The following MFSD6 variants were observed in gnomAD, a reference collection of about 807,000 sequenced individuals.
MFSD6 encodes major facilitator superfamily domain-containing protein 6.
Under a neutral mutation model 56.3 loss-of-function variants are expected in MFSD6, and 26 were observed. That is an observed-to-expected ratio of 0.46 (90% CI 0.34 to 0.64). The LOEUF is 0.64. MFSD6 is among the 30% of genes least tolerant of loss of function. MFSD6 has a pLI of 0.01. For missense variants in MFSD6, 750 were observed against 986.2 expected (o/e 0.76, Z 3.21); for synonymous variants, 331 against 366.9 (o/e 0.90, Z 1.12).
chr2:190,487,872 CAA>C lies in MFSD6; in HGVS notation c.1631-784_1631-783del, dbSNP rs1689102211. Among the ~76,000 whole-genome samples, 1 of 152,092 alleles carries C rather than the reference CAA, an allele frequency of 6.6e-6. No homozygotes were observed. The highest frequency in any genetic ancestry group is 1.5e-5 in the Non-Finnish European group (1 of 67,994). On this transcript the variant is annotated intron_variant, in intron 4 of 7. Transcript: ENST00000392328. The surrounding 1 kb of genome is among the most constrained non-coding windows in gnomAD (Gnocchi z 5.5). ...AACATATAGTGACCATATCATCCAA[CAA>C]TTGCATTTCTAGTTACCTAGTCAAA... is the stretch of plus-strand genomic sequence containing the variant.
chr2:190,500,170 AGAG>A lies in MFSD6; in HGVS notation c.2332_2334del (p.Glu778del). ...CTCACCCCAGTGTGGACCCGTGCAC[AGAG>A]GAGAGTGAAGAGCAGCAGGCTCAGC... On this transcript the variant is annotated inframe_deletion, in exon 8 of 8. Transcript: ENST00000392328. This position sits in a 1 kb window ranked among gnomAD's most constrained non-coding sequence, Gnocchi z 5.3. The A allele has an allele frequency of 1.9e-6, 3 of 1,614,162 alleles. No homozygotes were observed. The highest frequency in any genetic ancestry group is 2.5e-6 in the Non-Finnish European group (3 of 1,180,022).
rs1284419661 is a variant in MFSD6, at chr2:190,492,153, G to A, written c.1891+2287G>A. On this transcript the variant is annotated intron_variant, in intron 6 of 7. Transcript: ENST00000392328. This position sits in a 1 kb window ranked among gnomAD's most constrained non-coding sequence, Gnocchi z 5.2. ...TGAACAAAGCCTCCAAGAAGTTTAG[G>A]ATTATGTTAAATAAACAAACCTAAG... Among the ~76,000 whole-genome samples the A allele has an allele frequency of 1.3e-5, 2 of 152,078 alleles. No individual in the cohort carries two copies. Among genetic ancestry groups the A allele is most frequent in the African/African-American group, 2.4e-5 (1 of 41,426 alleles).
At position 190,457,084 on chromosome 2, in the gene MFSD6, T is replaced by C. The variant is rs1369244114; in HGVS notation, c.1533-12674T>C. 6.6e-6 allele frequency among the ~76,000 whole-genome samples: 1 copy of C among 152,216 alleles called. No homozygotes were observed. Among genetic ancestry groups the C allele is most frequent in the Non-Finnish European group, 1.5e-5 (1 of 68,036 alleles). ...TACACTAACACTGCTAGTCCGTTTC[T>C]TATGGTCCAATCCAGAGGTATTTCC... On this transcript the variant is annotated intron_variant, in intron 3 of 7. Coordinates refer to ENST00000392328, the MANE Select transcript of MFSD6 (RefSeq NM_017694.4). The surrounding 1 kb of genome is among the most constrained non-coding windows in gnomAD (Gnocchi z 5.1).
Position 190,437,237 on chromosome 2 carries a change from G to A in MFSD6, c.1208G>A (p.Gly403Glu). Reference protein sequence around the residue: ...YNHFKNDDSKGKEVEIPQVER... With the variant: ...YNHFKNDDSKEKEVEIPQVER... ...CATTTCAAAAACGATGATTCTAAAG[G>A]GAAAGAGGTGGAGATCCCGCAGGTG... The change falls in exon 3 of 8, where the codon GGG (glycine) becomes GAG (glutamate). Residue 403 changes from glycine (G) to glutamate (E), a missense_variant. This residue lies in a region of MFSD6 where 376 missense variants were observed against 437.9 expected (regional missense o/e 0.86). Coordinates refer to ENST00000392328, the MANE Select transcript of MFSD6 (RefSeq NM_017694.4). This position sits in a 1 kb window ranked among gnomAD's most constrained non-coding sequence, Gnocchi z 5.9. The A allele has an allele frequency of 1.9e-6, 3 of 1,614,236 alleles. No individual in the cohort carries two copies. The highest frequency in any genetic ancestry group is 2.5e-6 in the Non-Finnish European group (3 of 1,180,044).
chr2:190,458,712 G>A lies in MFSD6; in HGVS notation c.1533-11046G>A, dbSNP rs1687169458. Among the ~76,000 whole-genome samples the A allele has an allele frequency of 6.6e-6, 1 of 152,122 alleles. No homozygotes were observed. On this transcript the variant is annotated intron_variant, in intron 3 of 7. Transcript: ENST00000392328. This position sits in a 1 kb window ranked among gnomAD's most constrained non-coding sequence, Gnocchi z 5.3. ...ACTTGAGACTCTTTCAGTGAAAGTG[G>A]CAAAAATCCTTACCCAGAGAAGCTT...
chr2:190,436,519 C>G lies in MFSD6; in HGVS notation c.490C>G (p.Arg164Gly). 2 of 1,614,206 alleles carry G rather than the reference C, an allele frequency of 1.2e-6. No individual in the cohort carries two copies. Among genetic ancestry groups the G allele is most frequent in the Non-Finnish European group, 1.7e-6 (2 of 1,180,038 alleles). The change falls in exon 3 of 8, where the codon CGC (arginine) becomes GGC (glycine). Residue 164 changes from arginine (R) to glycine (G), a missense_variant. Transcript: ENST00000392328. This position sits in a 1 kb window ranked among gnomAD's most constrained non-coding sequence, Gnocchi z 5.3. ...TACCTTGAGATGTGTACCAAAGATTCGCCCAACAACTCACCCCACCAATGC... is the reference window on the plus strand; with the variant it reads ...TACCTTGAGATGTGTACCAAAGATTGGCCCAACAACTCACCCCACCAATGC... ...PATLRCVPKI[R>G]PTTHPTNASH... is the part of the protein sequence containing the mutation.
Position 190,436,875 on chromosome 2 carries a change from A to G in MFSD6, c.846A>G (p.Gln282=). 6.2e-7 allele frequency: 1 copy of G among 1,614,222 alleles called. No individual in the cohort carries two copies. Among genetic ancestry groups the G allele is most frequent in the Non-Finnish European group, 8.5e-7 (1 of 1,180,030 alleles). ...AAGTCATGCTTGTTTATGATCAACA[A>G]GAAGTTGAAGCTATATTCTTGGTGA... ...SDQVMLVYDQ[Q]EVEAIFLVIL... is the part of the protein sequence containing the mutation. The change falls in exon 3 of 8, where the codon CAA becomes CAG. Residue 282 remains glutamine, a synonymous_variant. Transcript: ENST00000392328. The surrounding 1 kb of genome is among the most constrained non-coding windows in gnomAD (Gnocchi z 5.3).
At position 190,446,469 on chromosome 2, in the gene MFSD6, T is replaced by C. The variant is rs928698201; in HGVS notation, c.1532+8908T>C. On this transcript the variant is annotated intron_variant, in intron 3 of 7. Transcript: ENST00000392328. ...TCCCTAGCTTTTTGAAAAACCCAAC[T>C]GAAAAGTAGTTTAAACTGGGAGAGC... Among the ~76,000 whole-genome samples the C allele has an allele frequency of 2.0e-5, 3 of 152,126 alleles. No homozygotes were observed. The East Asian group carries it at 5.8e-4, about 29-fold the overall frequency.
chr2:190,472,196 A>G (rs1222593166), intron 4 of MFSD6, among the ~76,000 whole-genome samples: 2 of 152,230 alleles, frequency 1.3e-5, no homozygotes. Context: ...TCCTCCTCCA[A>G]AGAAACGCAG....
At chr2:190,472,098 A>G (rs979617014) in intron 4 of MFSD6, among the ~76,000 whole-genome samples, 1 of 152,200 alleles carries the variant, frequency 6.6e-6, no homozygotes, top group African/African-American at 2.4e-5. Context: ...GTACGTCACC[A>G]TCATCAAAGA....
At chr2:190,432,944 G>A (rs903721737) in intron 2 of MFSD6, among the ~76,000 whole-genome samples, 2 of 151,990 alleles carry the variant, frequency 1.3e-5, no homozygotes, top group African/African-American at 2.4e-5. Context: ...CAGGGATTCC[G>A]AGTAGTAAAT....
At chr2:190,475,433 C>T (rs901728422) in intron 4 of MFSD6, among the ~76,000 whole-genome samples, 15 of 151,308 alleles carry the variant, frequency 9.9e-5, no homozygotes, top group Admixed American at 5.3e-4. Context: ...AGCCAAACAC[C>T]CAAATCATGA....
chr2:190,499,726 A>G lies in MFSD6; in HGVS notation c.2173-289A>G. The G allele has an allele frequency of 8.3e-7, 1 of 1,210,512 alleles. No individual in the cohort carries two copies. Among genetic ancestry groups the G allele is most frequent in the South Asian group, 1.4e-5 (1 of 73,282 alleles). 75.0% of individuals were successfully genotyped at this position (1,210,512 alleles called of 1,614,324 possible). On this transcript the variant is annotated intron_variant, in intron 7 of 7. Transcript: ENST00000392328. The surrounding 1 kb of genome is among the most constrained non-coding windows in gnomAD (Gnocchi z 6.0). ...TGGGGGGCTCAGTAAATATTTGCTG[A>G]TGTAAACTGTTTACCAAGTACTAAC...
Position 190,436,567 on chromosome 2 carries a change from C to G in MFSD6, c.538C>G (p.Pro180Ala). ...TGCAAGTCACCAGTTAACTATCCTGCCAACAAATTCTTCCTTTACCTCTTT... is the reference window on the plus strand; with the variant it reads ...TGCAAGTCACCAGTTAACTATCCTGGCAACAAATTCTTCCTTTACCTCTTT... ...TNASHQLTIL[P>A]TNSSFTSFLT... The change falls in exon 3 of 8, where the codon CCA (proline) becomes GCA (alanine). Residue 180 changes from proline to alanine, a missense_variant. Coordinates refer to ENST00000392328, the MANE Select transcript of MFSD6 (RefSeq NM_017694.4). The surrounding 1 kb of genome is among the most constrained non-coding windows in gnomAD (Gnocchi z 5.3). 6.2e-7 allele frequency: 1 copy of G among 1,614,174 alleles called. No homozygotes were observed. The highest frequency in any genetic ancestry group is 8.5e-7 in the Non-Finnish European group (1 of 1,180,040).
chr2:190,437,521 T>G lies in MFSD6; in HGVS notation c.1492T>G (p.Phe498Val), dbSNP rs938463240. The G allele has an allele frequency of 1.9e-6, 3 of 1,614,096 alleles. No homozygotes were observed. Among genetic ancestry groups the G allele is most frequent in the Non-Finnish European group, 2.5e-6 (3 of 1,179,984 alleles). ...TCATGTGTCTGAGCTGACAGCATAT[T>G]TTTTTAGTCACAAGCTTATTGAATT... The part of the protein sequence containing the change: ...LSHVSELTAY[F>V]FSHKLIELIG... Residue 498 changes from phenylalanine (F) to valine (V), a missense_variant, in exon 3 of 8, where the codon TTT becomes GTT. By Grantham distance (50) the Phe-to-Val change is conservative (BLOSUM62 -1). Transcript: ENST00000392328. The surrounding 1 kb of genome is among the most constrained non-coding windows in gnomAD (Gnocchi z 5.9).
intron 3 of MFSD6, among the ~76,000 whole-genome samples, chr2:190,445,187 C>T (rs1202982844): frequency 6.6e-6 from 1 of 152,160 alleles, no homozygotes; most frequent in African/African-American, 2.4e-5. Context: ...GGATACTTAT[C>T]TCATATTAAA....
rs1423652917 is a variant in MFSD6, at chr2:190,499,502, G to A, written c.2173-513G>A. On this transcript the variant is annotated intron_variant, in intron 7 of 7. Transcript: ENST00000392328. This position sits in a 1 kb window ranked among gnomAD's most constrained non-coding sequence, Gnocchi z 6.0. ...TGTTCTGTCTTATCTAACTTTTGGTGCACATTTTGAAATACCAAATATATA... is the reference window on the plus strand; with the variant it reads ...TGTTCTGTCTTATCTAACTTTTGGTACACATTTTGAAATACCAAATATATA... 6.6e-6 allele frequency among the ~76,000 whole-genome samples: 1 copy of A among 152,104 alleles called. No homozygotes were observed. The highest frequency in any genetic ancestry group is 2.4e-5 in the African/African-American group (1 of 41,414).
chr2:190,465,251 A>G lies in MFSD6; in HGVS notation c.1533-4507A>G, dbSNP rs945951561. Among the ~76,000 whole-genome samples the G allele has an allele frequency of 1.7e-4, 26 of 152,198 alleles. No homozygotes were observed. The highest frequency in any genetic ancestry group is 5.9e-4 in the Admixed American group (9 of 15,290). ...CTGCTGCATCATTTGCTTCTTATCA[A>G]TTGTGTTCCTCTTTATAGATAACTT... On this transcript the variant is annotated intron_variant, in intron 3 of 7. Transcript: ENST00000392328. The surrounding 1 kb of genome is among the most constrained non-coding windows in gnomAD (Gnocchi z 4.6).
chr2:190,463,493 T>A lies in MFSD6; in HGVS notation c.1533-6265T>A, dbSNP rs6434393. Among the ~76,000 whole-genome samples, 133,304 of 151,464 alleles carry A rather than the reference T, an allele frequency of 0.88. 59,462 individuals are homozygous for A. Among genetic ancestry groups the A allele is most frequent in the East Asian group, 1 (5,114 of 5,130 alleles). The stretch of plus-strand genomic sequence containing the variant: ...ATCTATAACAATTCTGAAAAAAAAA[T>A]TTTTTTTAGGGACAAGTTTATATAG... On this transcript the variant is annotated intron_variant, in intron 3 of 7. Coordinates refer to ENST00000392328, the MANE Select transcript of MFSD6 (RefSeq NM_017694.4). This position sits in a 1 kb window ranked among gnomAD's most constrained non-coding sequence, Gnocchi z 4.4.
Sources: gnomAD v4.1 joint callset for allele counts (sites outside exome capture counted in the v4.1 genomes callset) on GRCh38, gnomAD v4.1.1 for gene constraint, gnomAD v4.1.1 regional missense constraint, Gnocchi (gnomAD v3.1) non-coding constraint, MANE v1.5 for transcripts, NCBI Gene and HGNC (gene_info 2026-07-23, HGNC 2026-07-21) for gene names.